THRB: variants seen among roughly 807,000 people sequenced by gnomAD.
THRB encodes nuclear receptor subfamily 1 group A member 2.
THRB carries 12 observed loss-of-function variants against 47.8 expected under a neutral mutation model. The ratio of observed to expected loss-of-function variants is 0.25; its 90% confidence interval spans 0.16 to 0.41. The LOEUF (loss-of-function observed/expected upper bound fraction) is 0.41. Among genes scored for constraint, THRB ranks in the 10% least tolerant of loss-of-function variants. THRB has a pLI of 1.00. For missense variants in THRB, 348 were observed against 589.2 expected (o/e 0.59, Z 4.24); for synonymous variants, 218 against 212.2 (o/e 1.03, Z -0.24).
intron 1 of THRB, among the ~76,000 whole-genome samples, chr3:24,384,816 G>A (rs533398373): frequency 1.3e-5 from 2 of 152,242 alleles, no homozygotes; most frequent in South Asian, 4.2e-4. Context: ...ACCTATGTCA[G>A]AATAGGGGTT....
At chr3:24,155,056 A>G (rs1303241883) in intron 5 of THRB, among the ~76,000 whole-genome samples, 1 of 152,200 alleles carries the variant, frequency 6.6e-6, no homozygotes, top group African/African-American at 2.4e-5. Flanking sequence ...AGCCTGTCTC[A>G]TGAGACCTGC....
intron 4 of THRB, among the ~76,000 whole-genome samples, chr3:24,209,268 A>T (rs1247676228): frequency 2.0e-5 from 3 of 152,244 alleles, no homozygotes; most frequent in Non-Finnish European, 4.4e-5. Context: ...ATTGTGGAAG[A>T]CAGTGTGGCG....
intron 4 of THRB, among the ~76,000 whole-genome samples, chr3:24,192,827 C>G (rs746228632): frequency 6.6e-6 from 1 of 152,178 alleles, no homozygotes; most frequent in Non-Finnish European, 1.5e-5. Context: ...GAGGCAATTA[C>G]AAGCTCATAA....
rs1211747982 is a variant in THRB at position 24,431,259 on chromosome 3, TCTACAC to T, written c.-261+63387_-261+63392del. Among the ~76,000 whole-genome samples, 7 of 79,846 alleles carry T rather than the reference TCTACAC, an allele frequency of 8.8e-5. No homozygotes were observed. The East Asian group carries it at 1.4e-3, about 16-fold the overall frequency. The allele number at this position is 79,846 out of a possible 152,430, so 52.4% of individuals were successfully genotyped here. On this transcript the variant is annotated intron_variant, in intron 1 of 10. Coordinates refer to ENST00000646209, the MANE Select transcript of THRB (RefSeq NM_001354712.2). ...AAGGATCAGTCTCTCTCTCTCTCTCTCTACACACACACACACACACACACACACACA... is the reference window on the plus strand; with the variant it reads ...AAGGATCAGTCTCTCTCTCTCTCTCTACACACACACACACACACACACACA...
chr3:24,229,469 T>C (rs1053008632), intron 3 of THRB, among the ~76,000 whole-genome samples: 3 of 152,202 alleles, frequency 2.0e-5, no homozygotes, highest in Admixed American at 2.0e-4. Context: ...AGGTGATTCA[T>C]GTGCACTTTC....
intron 3 of THRB, among the ~76,000 whole-genome samples, chr3:24,273,018 C>T (rs2053516559): frequency 6.6e-6 from 1 of 152,044 alleles, no homozygotes; most frequent in African/African-American, 2.4e-5. Flanking sequence ...GACATCATCA[C>T]CTGGAGCTCC....
chr3:24,268,051 T>C (rs2052846825), intron 3 of THRB, among the ~76,000 whole-genome samples: 1 of 152,190 alleles, frequency 6.6e-6, no homozygotes, highest in Non-Finnish European at 1.5e-5. Flanking sequence ...CTATGATGTT[T>C]TCATGACATT....
intron 1 of THRB, among the ~76,000 whole-genome samples, chr3:24,402,828 T>G (rs1368872207): frequency 1.3e-5 from 2 of 151,976 alleles, no homozygotes; most frequent in Admixed American, 1.3e-4. Context: ...AAGTATTTGA[T>G]ACGCACTGCC....
At chr3:24,200,313 G>A (rs1247490616) in intron 4 of THRB, among the ~76,000 whole-genome samples, 1 of 152,110 alleles carries the variant, frequency 6.6e-6, no homozygotes, top group African/African-American at 2.4e-5. Context: ...TCCCAAACAT[G>A]AAATACCCCT....
intron 8 of THRB, among the ~76,000 whole-genome samples, chr3:24,142,068 T>G (rs1422503638): frequency 4.6e-5 from 7 of 152,176 alleles, no homozygotes; most frequent in African/African-American, 1.7e-4. Context: ...AGAGGCTTTT[T>G]GGGTTTGTGC....
chr3:24,156,162 C>T (rs2149160472), intron 5 of THRB, among the ~76,000 whole-genome samples: 1 of 152,340 alleles, frequency 6.6e-6, no homozygotes, highest in African/African-American at 2.4e-5. Flanking sequence ...AAAATATTCT[C>T]TGAGCGACTT....
At chr3:24,420,624 G>T (rs1162697508) in intron 1 of THRB, among the ~76,000 whole-genome samples, 1 of 151,896 alleles carries the variant, frequency 6.6e-6, no homozygotes, top group African/African-American at 2.4e-5. Context: ...GATCATTAGA[G>T]AAATTCAAAA....
chr3:24,191,290 C>T (rs1373700396), intron 4 of THRB, among the ~76,000 whole-genome samples: 2 of 151,582 alleles, frequency 1.3e-5, no homozygotes, highest in Non-Finnish European at 2.9e-5. Context: ...ATGTTGTACA[C>T]ATTAAAAAAA....
intron 5 of THRB, among the ~76,000 whole-genome samples, chr3:24,157,735 T>C (rs1236845172): frequency 6.6e-6 from 1 of 152,136 alleles, no homozygotes; most frequent in African/African-American, 2.4e-5. Flanking sequence ...TCTTGCTATG[T>C]TTCCCAGGCT....
At chr3:24,346,846 C>T (rs563675722) in intron 1 of THRB, among the ~76,000 whole-genome samples, 29 of 151,992 alleles carry the variant, frequency 1.9e-4, no homozygotes, top group African/African-American at 6.7e-4. Context: ...TTTAATACAC[C>T]TCTCTCAGTA....
chr3:24,248,177 A>G (rs749499467), intron 3 of THRB, among the ~76,000 whole-genome samples: 1 of 152,114 alleles, frequency 6.6e-6, no homozygotes, highest in Non-Finnish European at 1.5e-5. Flanking sequence ...GGTCAAATTC[A>G]TAAGAATGGA....
At chr3:24,154,827 GA>G (rs2037562601) in intron 5 of THRB, among the ~76,000 whole-genome samples, 1 of 152,082 alleles carries the variant, frequency 6.6e-6, no homozygotes. Context: ...ACAGAATGAA[GA>G]CTTTCAAGTT....
chr3:24,455,187 G>A lies in THRB; in HGVS notation c.-261+39465C>T, dbSNP rs544574395. 1.0e-4 allele frequency: 14 copies of A among 140,308 alleles called. No individual in the cohort carries two copies. In the South Asian group the frequency reaches 3.1e-3, roughly 31 times the overall value. The allele number at this position is 140,308 out of a possible 1,614,324, so 8.7% of individuals were successfully genotyped here. On this transcript the variant is annotated intron_variant, in intron 1 of 10. Transcript: ENST00000646209. ...ATTGGAGTCTCTCCCTCAAGAGTTA[G>A]GTCTTCATAGGTACTGAACACTTAC...
intron 1 of THRB, among the ~76,000 whole-genome samples, chr3:24,462,964 C>T (rs1354948412): frequency 1.3e-5 from 2 of 152,184 alleles, no homozygotes; most frequent in Non-Finnish European, 2.9e-5. Context: ...TCCCTGTAAC[C>T]CCCCTCCTGT....
Sources: allele counts gnomAD v4.1 joint callset (sites outside exome capture counted in the v4.1 genomes callset), GRCh38; gene constraint gnomAD v4.1.1; transcripts MANE v1.5; gene names NCBI Gene and HGNC (gene_info 2026-07-23, HGNC 2026-07-21).